ACSL3: variants seen among roughly 807,000 people sequenced by gnomAD.
The protein encoded by ACSL3 is acyl-CoA synthetase long chain family member 3.
In ACSL3, 34 loss-of-function variants were observed where a neutral mutation model predicts 84.7. The observed-to-expected ratio is 0.40, with a 90% CI of 0.31 to 0.53. The LOEUF (loss-of-function observed/expected upper bound fraction) is 0.53, where lower values mean the gene tolerates loss of function less well. ACSL3 is among the 20% of genes least tolerant of loss of function. The pLI is 0.48. For synonymous variants in ACSL3, 315 were observed against 299.4 expected (o/e 1.05, Z -0.54); for missense variants, 680 against 873.1 (o/e 0.78, Z 2.79).
intron 1 of ACSL3, among the ~76,000 whole-genome samples, chr2:222,886,079 T>C (rs1574526755): frequency 6.6e-6 from 1 of 152,266 alleles, no homozygotes; most frequent in East Asian, 1.9e-4. Context: ...TTACTTTAAG[T>C]TCTGGGATAC....
At position 222,930,796 on chromosome 2, in the gene ACSL3, A is replaced by C; in HGVS notation, c.1716A>C (p.Gly572=). 6.3e-7 allele frequency: 1 copy of C among 1,597,424 alleles called. No individual in the cohort carries two copies. The highest frequency in any genetic ancestry group is 8.5e-7 in the Non-Finnish European group (1 of 1,173,242). ...TGDIGEFEPD[G]CLKIIDRKKD... ...ATATTGGAGAGTTTGAACCCGATGG[A>C]TGCTTAAAGATTATTGGTAAGTCAT... is the stretch of plus-strand genomic sequence containing the variant. Residue 572 remains glycine (G), a synonymous_variant, in exon 14 of 17, where the codon GGA becomes GGC. Transcript: ENST00000357430.
At chr2:222,929,641 G>T (rs1475019782) in intron 13 of ACSL3, among the ~76,000 whole-genome samples, 1 of 151,996 alleles carries the variant, frequency 6.6e-6, no homozygotes, top group Non-Finnish European at 1.5e-5. Flanking sequence ...AGCCAGGCGT[G>T]GTGGTGCGTG....
At chr2:222,872,722 G>C (rs548008123) in intron 1 of ACSL3, among the ~76,000 whole-genome samples, 2 of 152,244 alleles carry the variant, frequency 1.3e-5, no homozygotes, top group Admixed American at 1.3e-4. Flanking sequence ...AGAGTAGGCT[G>C]TCTTGAGAGG....
intron 7 of ACSL3, 184 bp downstream of exon 7, chr2:222,919,386 A>G (rs1696672172): frequency 2.1e-6 from 1 of 468,784 alleles, no homozygotes; most frequent in South Asian, 5.4e-5. Flanking sequence ...AAGGAAAAAT[A>G]TAAACATTAA....
chr2:222,920,486 C>T (rs1396429050), intron 7 of ACSL3, among the ~76,000 whole-genome samples: 1 of 152,178 alleles, frequency 6.6e-6, no homozygotes. Flanking sequence ...ATGCAGGACT[C>T]TGAGTGTAAC....
rs1695758887 is a variant in ACSL3, at chr2:222,887,816, GTTTGT to G, written c.-206-9_-206-5del. On this transcript the variant is annotated splice_polypyrimidine_tract_variant and intron_variant, in intron 1 of 16. Transcript: ENST00000357430. The stretch of plus-strand genomic sequence containing the variant: ...GAGTAGTAATGCTTGTCTTTTTTAT[GTTTGT>G]TTTGACAGGTTTTGACACAAGGGCG... 1 of 152,064 alleles carries G rather than the reference GTTTGT, an allele frequency of 6.6e-6. No homozygotes were observed. Among genetic ancestry groups the G allele is most frequent in the Non-Finnish European group, 1.5e-5 (1 of 67,984 alleles). The allele number at this position is 152,064 out of a possible 1,614,324, so 9.4% of individuals were successfully genotyped here.
intron 16 of ACSL3, among the ~76,000 whole-genome samples, chr2:222,937,938 T>A (rs1559305922): frequency 6.6e-6 from 1 of 152,138 alleles, no homozygotes; most frequent in Non-Finnish European, 1.5e-5. Context: ...TCCCTTGTCT[T>A]TTATCTTTGT....
In ACSL3 at chr2:222,925,048, C is replaced by T. The variant is rs926568187; in HGVS notation, c.1292+453C>T. ...TCCGTCTCAAAAAAAAAAAAAAAAT[C>T]CATCCTGGCTGAACACGGTGGCTCA... is the stretch of plus-strand genomic sequence containing the variant. On this transcript the variant is annotated intron_variant, in intron 11 of 16. Transcript: ENST00000357430. Among the ~76,000 whole-genome samples the T allele has an allele frequency of 8.1e-5, 12 of 148,898 alleles. No homozygotes were observed. In the East Asian group the frequency reaches 2.0e-3, roughly 25 times the overall value.
rs1375963544 is a variant in ACSL3, at chr2:222,941,522, A to G, written c.2031A>G (p.Pro677=). 2 of 1,606,720 alleles carry G rather than the reference A, an allele frequency of 1.2e-6. No homozygotes were observed. The highest frequency in any genetic ancestry group is 8.5e-7 in the Non-Finnish European group (1 of 1,177,478). The change falls in exon 17 of 17, where the codon CCA becomes CCG. Residue 677 remains proline, a synonymous_variant. Transcript: ENST00000357430. ...CAAGTCTGGAAAAGTTTGAAATTCC[A>G]GTAAAAATTCGTTTGAGTCCTGAAC... ...ISASLEKFEI[P]VKIRLSPEPW...
chr2:222,908,340 T>C (rs1696351781), intron 3 of ACSL3, among the ~76,000 whole-genome samples: 1 of 152,196 alleles, frequency 6.6e-6, no homozygotes, highest in Admixed American at 6.5e-5. Flanking sequence ...CTGCTGGGGC[T>C]GTGAGAGAGG....
At chr2:222,882,770 T>TTTTG (rs1346273610) in intron 1 of ACSL3, among the ~76,000 whole-genome samples, 2 of 143,940 alleles carry the variant, frequency 1.4e-5, no homozygotes, top group African/African-American at 5.6e-5. Flanking sequence ...TGTTTTTTTT[T>TTTTG]TTTTTTTTTT....
At chr2:222,913,704 A>T (rs529100905) in intron 4 of ACSL3, among the ~76,000 whole-genome samples, 1 of 152,290 alleles carries the variant, frequency 6.6e-6, no homozygotes, top group South Asian at 2.1e-4. Context: ...TTCTTTCTAC[A>T]GTGCAGTTGA....
At chr2:222,863,463 G>C (rs553384580) in intron 1 of ACSL3, among the ~76,000 whole-genome samples, 1 of 152,296 alleles carries the variant, frequency 6.6e-6, no homozygotes, top group South Asian at 2.1e-4. Context: ...AAATGAGATA[G>C]GCAACTTTAC....
intron 2 of ACSL3, among the ~76,000 whole-genome samples, chr2:222,890,837 TTC>T (rs1349405292): frequency 6.6e-6 from 1 of 152,182 alleles, no homozygotes; most frequent in Non-Finnish European, 1.5e-5. Context: ...GAGACGGGGT[TTC>T]TCCATGTTGG....
Position 222,918,173 on chromosome 2 carries a change from TTTCTAACTGTCTGATACTTTAGAA to T in ACSL3, c.666+21_666+44del. On this transcript the variant is annotated intron_variant, in intron 6 of 16. Coordinates refer to ENST00000357430, the MANE Select transcript of ACSL3 (RefSeq NM_004457.5). ...AGTTGAAGGTGAGGACTCTAGTTAC[TTTCTAACTGTCTGATACTTTAGAA>T]TTTTCAGTGTCATGAGCCCTATTAT... 6.6e-7 allele frequency: 1 copy of T among 1,520,970 alleles called. No individual in the cohort carries two copies. The highest frequency in any genetic ancestry group is 9.1e-7 in the Non-Finnish European group (1 of 1,099,134). The allele number at this position is 1,520,970 out of a possible 1,614,324, so 94.2% of individuals were successfully genotyped here. A position where few individuals can be genotyped will look rare whatever the true frequency, so the allele number is the denominator to read the frequency against.
At chr2:222,911,175 G>T (rs1466300568) in intron 4 of ACSL3, among the ~76,000 whole-genome samples, 1 of 151,642 alleles carries the variant, frequency 6.6e-6, no homozygotes, top group Non-Finnish European at 1.5e-5. Context: ...TCAGCCTCCC[G>T]AGTAGTTGGG....
intron 10 of ACSL3, 64 bp downstream of exon 10, chr2:222,923,213 T>C: frequency 7.6e-7 from 1 of 1,308,650 alleles, no homozygotes; most frequent in Non-Finnish European, 1.1e-6. Context: ...AAAGCATTAG[T>C]GCTAGTGAAA....
At chr2:222,936,903 A>G (rs559147084) in intron 16 of ACSL3, among the ~76,000 whole-genome samples, 12 of 152,230 alleles carry the variant, frequency 7.9e-5, no homozygotes, top group African/African-American at 2.9e-4. Flanking sequence ...CCCTAAAACC[A>G]TCAGATCTTG....
Position 222,919,158 on chromosome 2 carries a change from A to T in ACSL3, c.761A>T (p.His254Leu), listed in dbSNP as rs371178618. 1.9e-6 allele frequency: 3 copies of T among 1,614,160 alleles called. No homozygotes were observed. Among genetic ancestry groups the T allele is most frequent in the Non-Finnish European group, 1.7e-6 (2 of 1,180,002 alleles). Residue 254 changes from histidine to leucine, a missense_variant, in exon 7 of 17, where the codon CAT becomes CTT. Transcript: ENST00000357430. The part of the protein sequence containing the change: ...WSEFPKGIIV[H>L]TMAAVEALGA... ...GAGTTCCCCAAGGGCATCATTGTGC[A>T]TACCATGGCTGCAGTGGAGGCCCTG... is the stretch of plus-strand genomic sequence containing the variant.
Sources: allele counts gnomAD v4.1 joint callset (sites outside exome capture counted in the v4.1 genomes callset), GRCh38; gene constraint gnomAD v4.1.1; transcripts MANE v1.5; gene names NCBI Gene and HGNC (gene_info 2026-07-23, HGNC 2026-07-21).